The following CFAP77 variants were observed in gnomAD, a reference collection of about 807,000 sequenced individuals.
CFAP77 encodes the protein cilia- and flagella-associated protein 77.
In CFAP77, 25 loss-of-function variants were observed where a neutral mutation model predicts 31.1. That is an observed-to-expected ratio of 0.80 (90% CI 0.59 to 1.12). The LOEUF (loss-of-function observed/expected upper bound fraction) is 1.12, where lower values mean the gene tolerates loss of function less well. Among genes scored for constraint, CFAP77 ranks in the 50% most tolerant of loss-of-function variants. The pLI, the probability that CFAP77 is intolerant of heterozygous loss-of-function variation, is 0.00. For missense variants in CFAP77, 377 were observed against 397.3 expected, an observed-to-expected ratio of 0.95 and a Z score of 0.44; for synonymous variants, 151 against 159.9, an observed-to-expected ratio of 0.94 and a Z score of 0.42.
At chr9:132,550,952 A>C (rs546930907) in intron 5 of CFAP77, among the ~76,000 whole-genome samples, 1 of 152,286 alleles carries the variant, frequency 6.6e-6, no homozygotes, top group South Asian at 2.1e-4. Context: ...AAGATGCTAC[A>C]AACACAGCCT....
chr9:132,455,537 C>T lies in CFAP77; in HGVS notation c.196-43158C>T, dbSNP rs1353474814. ...AAAACAAAAAAACTTCGAGACCAGC[C>T]TGGGCAACATGGCGAGACCCTATCT... On this transcript the variant is annotated intron_variant, in intron 1 of 5. Transcript: ENST00000393216. The surrounding 1 kb of genome is among the most constrained non-coding windows in gnomAD (Gnocchi z 4.1). 4.0e-5 allele frequency among the ~76,000 whole-genome samples: 6 copies of T among 151,264 alleles called. No individual in the cohort carries two copies. The highest frequency in any genetic ancestry group is 1.5e-4 in the African/African-American group (6 of 41,092).
intron 5 of CFAP77, among the ~76,000 whole-genome samples, chr9:132,570,055 T>C (rs1228374483): frequency 6.6e-6 from 1 of 152,172 alleles, no homozygotes; most frequent in African/African-American, 2.4e-5. Context: ...TTAGGAGCCA[T>C]GGGCCTCAGG....
chr9:132,422,463 G>A (rs1420447503), intron 1 of CFAP77, among the ~76,000 whole-genome samples: 1 of 152,226 alleles, frequency 6.6e-6, no homozygotes, highest in African/African-American at 2.4e-5. Context: ...CCAGCCCTTC[G>A]AGCTGAGGGG....
At chr9:132,505,876 C>T (rs1332887919) in intron 3 of CFAP77, among the ~76,000 whole-genome samples, 1 of 152,206 alleles carries the variant, frequency 6.6e-6, no homozygotes, top group East Asian at 1.9e-4. Context: ...CTCGATCCCT[C>T]AGCTAACGGC....
At chr9:132,423,813 C>T (rs189505932) in intron 1 of CFAP77, among the ~76,000 whole-genome samples, 5 of 152,348 alleles carry the variant, frequency 3.3e-5, no homozygotes, top group Admixed American at 3.3e-4. Flanking sequence ...TTGGGGCTGG[C>T]AGTGTGGCCT....
intron 3 of CFAP77, among the ~76,000 whole-genome samples, chr9:132,508,097 C>T (rs1339173926): frequency 6.6e-6 from 1 of 152,170 alleles, no homozygotes; most frequent in East Asian, 1.9e-4. Context: ...GTCTGGGGCC[C>T]TTTAAGACTT....
intron 1 of CFAP77, among the ~76,000 whole-genome samples, chr9:132,433,971 T>TAAAAA (rs1229342874): frequency 3.6e-3 from 469 of 129,892 alleles, no homozygotes; most frequent in African/African-American, 9.4e-3. Context: ...ACCCCATGTG[T>TAAAAA]AAAAAAAAAA....
At chr9:132,535,129 T>C (rs942832532) in intron 3 of CFAP77, among the ~76,000 whole-genome samples, 53 of 152,336 alleles carry the variant, frequency 3.5e-4, no homozygotes, top group Middle Eastern at 3.4e-3. Flanking sequence ...AGGAAACATG[T>C]TACTTTTTAT....
At chr9:132,465,378 A>G (rs569685926) in intron 1 of CFAP77, among the ~76,000 whole-genome samples, 11 of 152,200 alleles carry the variant, frequency 7.2e-5, no homozygotes, top group Non-Finnish European at 1.3e-4. Context: ...AATAAGAAAC[A>G]CCTGGTCATG....
intron 1 of CFAP77, among the ~76,000 whole-genome samples, chr9:132,484,843 ACTTT>A (rs1034765245): frequency 8.7e-5 from 13 of 149,150 alleles, no homozygotes; most frequent in East Asian, 3.9e-4. Context: ...TTCATCTTTA[ACTTT>A]CTTTCTTTTT....
At chr9:132,459,669 CAT>C (rs1049772118) in intron 1 of CFAP77, among the ~76,000 whole-genome samples, 7 of 149,680 alleles carry the variant, frequency 4.7e-5, no homozygotes, top group African/African-American at 1.7e-4. Flanking sequence ...CTCATGTGTG[CAT>C]ATTTATGTGT....
chr9:132,484,450 A>G (rs1054061326), intron 1 of CFAP77, among the ~76,000 whole-genome samples: 1 of 152,158 alleles, frequency 6.6e-6, no homozygotes, highest in African/African-American at 2.4e-5. Flanking sequence ...GTCTCTTCAG[A>G]TTGACCTATT....
intron 3 of CFAP77, among the ~76,000 whole-genome samples, chr9:132,506,867 CA>C (rs1049042097): frequency 6.6e-6 from 1 of 152,106 alleles, no homozygotes; most frequent in African/African-American, 2.4e-5. Flanking sequence ...GGCTTCTGTG[CA>C]GTGCGAGGAG....
At chr9:132,439,872 A>G (rs1416947382) in intron 1 of CFAP77, among the ~76,000 whole-genome samples, 4 of 148,510 alleles carry the variant, frequency 2.7e-5, no homozygotes, top group African/African-American at 1.0e-4. Flanking sequence ...AAAAAAAAAG[A>G]TGCTCTAATC....
intron 1 of CFAP77, among the ~76,000 whole-genome samples, chr9:132,447,529 C>T (rs1161053651): frequency 6.6e-6 from 1 of 152,190 alleles, no homozygotes; most frequent in Non-Finnish European, 1.5e-5. Flanking sequence ...CTCCTGCCAC[C>T]AGGAGCGCGT....
rs186332614 is a variant in CFAP77, at chr9:132,486,485, G to A, written c.196-12210G>A. On this transcript the variant is annotated intron_variant, in intron 1 of 5. Coordinates refer to ENST00000393216, the MANE Select transcript of CFAP77 (RefSeq NM_001282957.2). The stretch of plus-strand genomic sequence containing the variant: ...TTTCTGGGAGTTCCTTCCCCAAGAC[G>A]ATGAGCTGCTTCCTGCGAGTGACCT... Among the ~76,000 whole-genome samples, 339 of 152,244 alleles carry A rather than the reference G, an allele frequency of 2.2e-3. 3 individuals carry two copies. Among genetic ancestry groups the A allele is most frequent in the African/African-American group, 7.8e-3 (322 of 41,534 alleles).
intron 1 of CFAP77, among the ~76,000 whole-genome samples, chr9:132,448,120 A>G (rs1850759911): frequency 6.6e-6 from 1 of 151,994 alleles, no homozygotes; most frequent in South Asian, 2.1e-4. Context: ...TAATTCAGAA[A>G]TGGGGAGAGG....
chr9:132,557,105 C>T (rs1211908749), intron 5 of CFAP77, among the ~76,000 whole-genome samples: 2 of 152,136 alleles, frequency 1.3e-5, no homozygotes, highest in Non-Finnish European at 2.9e-5. Flanking sequence ...GATGGCGCGG[C>T]GGTTATCATT....
chr9:132,425,217 C>T (rs1226753457), intron 1 of CFAP77, among the ~76,000 whole-genome samples: 2 of 152,188 alleles, frequency 1.3e-5, no homozygotes, highest in African/African-American at 4.8e-5. Context: ...CGTCAATACT[C>T]AGCGGCCTGA....
Sources: allele counts gnomAD v4.1 joint callset (sites outside exome capture counted in the v4.1 genomes callset), GRCh38; gene constraint gnomAD v4.1.1; non-coding constraint Gnocchi (gnomAD v3.1); transcripts MANE v1.5; gene names NCBI Gene and HGNC (gene_info 2026-07-23, HGNC 2026-07-21).